The following FHIT variants were observed in gnomAD, a reference collection of about 807,000 sequenced individuals.
The protein encoded by FHIT is bis(5'-adenosyl)-triphosphatase.
FHIT carries 19 observed loss-of-function variants against 17.9 expected under a neutral mutation model. The observed-to-expected ratio is 1.06, with a 90% confidence interval of 0.74 to 1.56. The LOEUF (loss-of-function observed/expected upper bound fraction) is 1.56. FHIT is among the 40% of genes most tolerant of loss of function. The pLI, the probability that FHIT is intolerant of heterozygous loss-of-function variation, is 0.00. For missense variants in FHIT, 248 were observed against 189.2 expected, an observed-to-expected ratio of 1.31 and a Z score of -1.82; for synonymous variants, 81 against 69.7, an observed-to-expected ratio of 1.16 and a Z score of -0.81.
chr3:60,745,157 AC>A (rs1473542868), intron 4 of FHIT, among the ~76,000 whole-genome samples: 1 of 152,114 alleles, frequency 6.6e-6, no homozygotes, highest in Non-Finnish European at 1.5e-5. Flanking sequence ...TATAAAACTG[AC>A]CCTCTGAAAG....
At chr3:61,173,584 T>C (rs1257359177) in intron 2 of FHIT, among the ~76,000 whole-genome samples, 2 of 152,220 alleles carry the variant, frequency 1.3e-5, no homozygotes, top group African/African-American at 2.4e-5. Flanking sequence ...TTGCAAAACA[T>C]AGTTCTCATT....
chr3:61,204,522 G>C (rs895056420), intron 1 of FHIT, among the ~76,000 whole-genome samples: 1 of 152,116 alleles, frequency 6.6e-6, no homozygotes, highest in African/African-American at 2.4e-5. Flanking sequence ...AAATGGAAGG[G>C]AGAAAGAAGC....
intron 8 of FHIT, among the ~76,000 whole-genome samples, chr3:59,875,642 A>T (rs1703118681): frequency 6.6e-6 from 1 of 152,180 alleles, no homozygotes; most frequent in Non-Finnish European, 1.5e-5. Flanking sequence ...AAAATTTTAT[A>T]GTTTTTAGCA....
chr3:61,075,034 G>C (rs1324461972), intron 2 of FHIT, among the ~76,000 whole-genome samples: 1 of 152,190 alleles, frequency 6.6e-6, no homozygotes, highest in Non-Finnish European at 1.5e-5. Context: ...CACTGCACTT[G>C]TAAGAAAAAC....
chr3:61,000,749 C>T (rs991654708), intron 3 of FHIT, among the ~76,000 whole-genome samples: 17 of 152,200 alleles, frequency 1.1e-4, no homozygotes, highest in Middle Eastern at 3.4e-3. Context: ...GTTCCAGAGA[C>T]GGCTGCAACC....
At chr3:60,300,006 T>A (rs917652586) in intron 5 of FHIT, among the ~76,000 whole-genome samples, 1 of 152,098 alleles carries the variant, frequency 6.6e-6, no homozygotes, top group African/African-American at 2.4e-5. Flanking sequence ...GTGCCCTCTG[T>A]CAGCTAAGGG....
intron 4 of FHIT, among the ~76,000 whole-genome samples, chr3:60,716,078 C>G (rs943573466): frequency 1.6e-4 from 24 of 152,170 alleles, no homozygotes; most frequent in African/African-American, 5.3e-4. Flanking sequence ...CCTGTCTTTA[C>G]TAAAAATACA....
At chr3:59,773,718 C>G (rs1293527895) in intron 8 of FHIT, among the ~76,000 whole-genome samples, 3 of 152,108 alleles carry the variant, frequency 2.0e-5, no homozygotes, top group Non-Finnish European at 4.4e-5. Flanking sequence ...GTGTGGACTG[C>G]AGACCAACAT....
At chr3:60,678,087 T>C (rs919743236) in intron 4 of FHIT, among the ~76,000 whole-genome samples, 3 of 152,170 alleles carry the variant, frequency 2.0e-5, no homozygotes, top group African/African-American at 4.8e-5. Context: ...ATTTTGTTCA[T>C]CTTTTCAAAA....
At chr3:60,665,050 G>T (rs1553692128) in intron 4 of FHIT, among the ~76,000 whole-genome samples, 2 of 151,806 alleles carry the variant, frequency 1.3e-5, no homozygotes, top group African/African-American at 4.8e-5. Flanking sequence ...TTATTGATGT[G>T]AGGCCTTTAA....
At chr3:60,150,730 C>A (rs1332641353) in intron 5 of FHIT, among the ~76,000 whole-genome samples, 3 of 152,122 alleles carry the variant, frequency 2.0e-5, no homozygotes, top group Non-Finnish European at 4.4e-5. Flanking sequence ...CCAGCCTGGC[C>A]AACATGGTGA....
chr3:60,593,723 G>T (rs2038168580), intron 4 of FHIT, among the ~76,000 whole-genome samples: 1 of 152,072 alleles, frequency 6.6e-6, no homozygotes, highest in African/African-American at 2.4e-5. Context: ...AGACAGATAT[G>T]CAGGTACAGC....
intron 5 of FHIT, among the ~76,000 whole-genome samples, chr3:60,396,649 G>C (rs900765357): frequency 6.6e-6 from 1 of 152,152 alleles, no homozygotes; most frequent in African/African-American, 2.4e-5. Flanking sequence ...GAGTGGATGG[G>C]AGAATGAGGA....
At chr3:60,548,144 CGAGA>C (rs869140510) in intron 4 of FHIT, among the ~76,000 whole-genome samples, 4 of 1,504 alleles carry the variant, frequency 2.7e-3, no homozygotes, top group Admixed American at 0.02. Flanking sequence ...AGAGAGAGAG[CGAGA>C]GAGAGAGAGA....
At position 60,408,838 on chromosome 3, in the gene FHIT, CT is replaced by C. The variant is rs370082598; in HGVS notation, c.103+128021del. Among the ~76,000 whole-genome samples, 279 of 152,220 alleles carry C rather than the reference CT, an allele frequency of 1.8e-3. 8 individuals carry two copies. In the East Asian group the frequency reaches 0.051, roughly 28 times the overall value. ...TCAATTACCATAATCAGGGAATAGA[CT>C]TTTTTAAAAACAAAAAACAAAAGCC... On this transcript the variant is annotated intron_variant, in intron 5 of 9. Transcript: ENST00000492590.
At chr3:60,665,830 T>C (rs2040369855) in intron 4 of FHIT, among the ~76,000 whole-genome samples, 1 of 152,116 alleles carries the variant, frequency 6.6e-6, no homozygotes, top group Non-Finnish European at 1.5e-5. Flanking sequence ...TTCTATTTGA[T>C]TCCTCTGGTT....
At chr3:60,300,852 T>C (rs1018306574) in intron 5 of FHIT, among the ~76,000 whole-genome samples, 1 of 152,074 alleles carries the variant, frequency 6.6e-6, no homozygotes, top group African/African-American at 2.4e-5. Context: ...CCTGATGTTC[T>C]CCTTCCAGAT....
intron 3 of FHIT, among the ~76,000 whole-genome samples, chr3:60,959,967 A>G (rs1368182462): frequency 6.6e-6 from 1 of 152,074 alleles, no homozygotes; most frequent in African/African-American, 2.4e-5. Context: ...CTATAGACAA[A>G]GCAAAAAATA....
At chr3:59,945,519 C>T (rs937265108) in intron 7 of FHIT, among the ~76,000 whole-genome samples, 5 of 148,612 alleles carry the variant, frequency 3.4e-5, no homozygotes, top group African/African-American at 7.4e-5. Context: ...AGCTCTTTAG[C>T]TTAATTAGGT....
Sources: allele counts gnomAD v4.1 joint callset (sites outside exome capture counted in the v4.1 genomes callset), GRCh38; gene constraint gnomAD v4.1.1; transcripts MANE v1.5; gene names NCBI Gene and HGNC (gene_info 2026-07-23, HGNC 2026-07-21).